Variants in DDX10 observed in about 807,000 individuals in gnomAD.
DDX10 encodes DEAD-box helicase 10.
A neutral mutation model predicts 104.3 loss-of-function variants in DDX10; 74 were observed. That is an observed-to-expected ratio of 0.71 (90% CI 0.59 to 0.86). DDX10 has a LOEUF of 0.86. Ranked by LOEUF, DDX10 falls within the 40% of genes least tolerant of loss-of-function variation. DDX10 has a pLI of 0.00. For missense variants in DDX10, 952 were observed against 1,040.0 expected (o/e 0.92, Z 1.16); for synonymous variants, 351 against 353.4 (o/e 0.99, Z 0.08).
intron 13 of DDX10, among the ~76,000 whole-genome samples, chr11:108,836,264 A>G (rs1344325827): frequency 1.3e-5 from 2 of 152,244 alleles, no homozygotes; most frequent in Non-Finnish European, 2.9e-5. Context: ...ACTAGATACT[A>G]TAGCTTTCAT....
At chr11:108,879,199 A>C (rs944525190) in intron 16 of DDX10, among the ~76,000 whole-genome samples, 1 of 151,980 alleles carries the variant, frequency 6.6e-6, no homozygotes, top group East Asian at 1.9e-4. Flanking sequence ...ACCGGGTTTC[A>C]CCATGTTGGC....
At position 108,940,544 on chromosome 11, in the gene DDX10, T is replaced by G; in HGVS notation, c.*121T>G. Reference sequence around the variant, plus strand: ...ATGCCCCATTCCCAAAGGGCACATTTCTGGATAGAAGCGATCGTATCTCCA... The same window carrying G: ...ATGCCCCATTCCCAAAGGGCACATTGCTGGATAGAAGCGATCGTATCTCCA... On this transcript the variant is annotated 3_prime_UTR_variant, in exon 18 of 18. Transcript: ENST00000322536. 2.1e-6 allele frequency: 2 copies of G among 963,728 alleles called. No homozygotes were observed. Among genetic ancestry groups the G allele is most frequent in the Non-Finnish European group, 3.0e-6 (2 of 657,040 alleles). The allele number at this position is 963,728 out of a possible 1,614,324, so 59.7% of individuals were successfully genotyped here.
Position 108,667,970 on chromosome 11 carries a change from G to A in DDX10, c.186+2631G>A, listed in dbSNP as rs74475995. Among the ~76,000 whole-genome samples the A allele has an allele frequency of 9.7e-3, 1,477 of 152,262 alleles. 18 individuals are homozygous for A. Among genetic ancestry groups the A allele is most frequent in the African/African-American group, 0.033 (1,375 of 41,532 alleles). ...AAGGTCAGCAACCAGTGATACACTC[G>A]TCTTTGCACTCCCCAGAGTCTGGTA... On this transcript the variant is annotated intron_variant, in intron 1 of 17. Coordinates refer to ENST00000322536, the MANE Select transcript of DDX10 (RefSeq NM_004398.4).
chr11:108,855,627 T>C (rs1418940440), intron 16 of DDX10, among the ~76,000 whole-genome samples: 1 of 151,996 alleles, frequency 6.6e-6, no homozygotes. Context: ...GCCCAGCTAA[T>C]TTTTTGTATT....
intron 13 of DDX10, among the ~76,000 whole-genome samples, chr11:108,780,491 G>C (rs991153110): frequency 1.3e-5 from 2 of 152,006 alleles, no homozygotes; most frequent in African/African-American, 4.8e-5. Flanking sequence ...ATCTTTGCTT[G>C]GTTTGTTTCC....
chr11:108,779,787 G>C (rs2094375708), intron 13 of DDX10, among the ~76,000 whole-genome samples: 1 of 152,126 alleles, frequency 6.6e-6, no homozygotes, highest in Non-Finnish European at 1.5e-5. Context: ...GGTTGTTTCT[G>C]AATTTCGCTG....
intron 17 of DDX10, chr11:108,918,993 T>G (rs778695634): frequency 6.6e-6 from 1 of 152,178 alleles, no homozygotes; most frequent in South Asian, 2.1e-4. Flanking sequence ...GTTGGAGAAG[T>G]AGGCCATAGA....
intron 10 of DDX10, 86 bp downstream of exon 10, chr11:108,706,923 T>A: frequency 9.2e-7 from 1 of 1,085,338 alleles, no homozygotes; most frequent in South Asian, 1.3e-5. Flanking sequence ...ATTTGCCCCT[T>A]CCCCTAATTT....
chr11:108,911,476 C>T (rs1863676582), intron 16 of DDX10, among the ~76,000 whole-genome samples: 1 of 151,496 alleles, frequency 6.6e-6, no homozygotes, highest in Admixed American at 6.6e-5. Flanking sequence ...TTCCTCAGAC[C>T]TCTTGTAAGG....
At chr11:108,755,542 C>G (rs919683091) in intron 13 of DDX10, among the ~76,000 whole-genome samples, 1 of 151,942 alleles carries the variant, frequency 6.6e-6, no homozygotes. Context: ...GCCATAAAGC[C>G]TAAAATATTG....
chr11:108,750,989 C>T (rs1389173003), intron 13 of DDX10, among the ~76,000 whole-genome samples: 2 of 117,628 alleles, frequency 1.7e-5, no homozygotes, highest in South Asian at 2.9e-4. Flanking sequence ...ACTATGTTGC[C>T]CATGCTAGTC....
At chr11:108,856,714 G>A (rs1862875098) in intron 16 of DDX10, among the ~76,000 whole-genome samples, 4 of 152,176 alleles carry the variant, frequency 2.6e-5, no homozygotes, top group Middle Eastern at 3.4e-3. Context: ...ATTTGACAAA[G>A]TAAAAACCCA....
intron 16 of DDX10, among the ~76,000 whole-genome samples, chr11:108,906,753 G>A (rs895933648): frequency 2.6e-5 from 4 of 152,154 alleles, no homozygotes; most frequent in African/African-American, 9.7e-5. Context: ...ATTTAATAGG[G>A]CGTTATGAAA....
chr11:108,911,801 G>A (rs1863683805), intron 16 of DDX10, among the ~76,000 whole-genome samples: 1 of 151,914 alleles, frequency 6.6e-6, no homozygotes, highest in African/African-American at 2.4e-5. Context: ...AGCTCAAGCA[G>A]TCCATCTGCC....
chr11:108,741,749 G>C (rs2094325453), intron 13 of DDX10, among the ~76,000 whole-genome samples: 1 of 152,008 alleles, frequency 6.6e-6, no homozygotes, highest in Admixed American at 6.6e-5. Context: ...CTGCAAACAG[G>C]GATAGTTTGA....
intron 8 of DDX10, among the ~76,000 whole-genome samples, chr11:108,692,463 C>CA (rs36053724): frequency 0.12 from 18,615 of 152,068 alleles, 1,528 homozygotes; most frequent in East Asian, 0.27. Context: ...AATTTATTTT[C>CA]AAAACCTGCT....
rs542328574 is a variant in DDX10 at position 108,887,953 on chromosome 11, C to CT, written c.2305-29914dup. On this transcript the variant is annotated intron_variant, in intron 16 of 17. Coordinates refer to ENST00000322536, the MANE Select transcript of DDX10 (RefSeq NM_004398.4). ...AAAAGAAAAAAGAAAAGAAATACAG[C>CT]TTTTTTCCCCCCCACTTTCTAGTTA... Among the ~76,000 whole-genome samples the CT allele has an allele frequency of 7.9e-4, 55 of 69,290 alleles. 1 individual carries two copies. In the South Asian group the frequency reaches 0.029, roughly 37 times the overall value. The allele number at this position is 69,290 out of a possible 152,430, so 45.5% of individuals were successfully genotyped here. A position where few individuals can be genotyped will look rare whatever the true frequency, so the allele number is the denominator to read the frequency against.
intron 13 of DDX10, among the ~76,000 whole-genome samples, chr11:108,788,004 C>T (rs996656007): frequency 6.6e-6 from 1 of 152,170 alleles, no homozygotes; most frequent in Non-Finnish European, 1.5e-5. Context: ...CAGTTTGGTT[C>T]TTAAAATGGC....
chr11:108,780,407 A>G (rs941377286), intron 13 of DDX10, among the ~76,000 whole-genome samples: 2 of 152,106 alleles, frequency 1.3e-5, no homozygotes, highest in African/African-American at 4.8e-5. Flanking sequence ...TGACTTTAAG[A>G]GGGGTGGTTT....
Sources: allele counts gnomAD v4.1 joint callset (sites outside exome capture counted in the v4.1 genomes callset), GRCh38; gene constraint gnomAD v4.1.1; transcripts MANE v1.5; gene names NCBI Gene and HGNC (gene_info 2026-07-23, HGNC 2026-07-21).